Variants in LRP6 observed in about 807,000 individuals in gnomAD.
LRP6 encodes low-density lipoprotein receptor-related protein 6.
A neutral mutation model predicts 184.1 loss-of-function variants in LRP6; 43 were observed. The observed-to-expected ratio is 0.23, with a 90% CI of 0.18 to 0.30. The LOEUF (loss-of-function observed/expected upper bound fraction) is 0.30. LRP6 is among the 10% of genes least tolerant of loss of function. The pLI is 1.00. For missense variants in LRP6, 1,571 were observed against 2,005.3 expected, an observed-to-expected ratio of 0.78 and a Z score of 4.14; for synonymous variants, 719 against 684.9, an observed-to-expected ratio of 1.05 and a Z score of -0.78.
chr12:12,122,460 G>T (rs993104607), intron 22 of LRP6, among the ~76,000 whole-genome samples: 2 of 152,082 alleles, frequency 1.3e-5, no homozygotes, highest in East Asian at 3.8e-4. Flanking sequence ...AGCACCACCA[G>T]GTAATATATC....
At chr12:12,263,037 T>C (rs1865658990) in intron 1 of LRP6, among the ~76,000 whole-genome samples, 1 of 144,510 alleles carries the variant, frequency 6.9e-6, no homozygotes, top group South Asian at 2.2e-4. Context: ...GCAGATCACC[T>C]GAGGTCGGGA....
intron 3 of LRP6, among the ~76,000 whole-genome samples, chr12:12,202,274 G>A (rs992590879): frequency 2.6e-5 from 4 of 152,244 alleles, no homozygotes; most frequent in East Asian, 3.8e-4. Flanking sequence ...CAGGTGCTAT[G>A]GCTGATGCCT....
At chr12:12,156,999 GCT>G (rs1862599193) in intron 12 of LRP6, among the ~76,000 whole-genome samples, 1 of 152,218 alleles carries the variant, frequency 6.6e-6, no homozygotes, top group Non-Finnish European at 1.5e-5. Context: ...GCCTGAGGCT[GCT>G]CTCACACTGC....
chr12:12,123,042 A>G (rs961188411), intron 22 of LRP6, among the ~76,000 whole-genome samples: 7 of 119,244 alleles, frequency 5.9e-5, no homozygotes, highest in African/African-American at 2.4e-4. Flanking sequence ...TATTTTCATG[A>G]AAAAAAAAAA....
chr12:12,123,774 A>G (rs964989571), intron 22 of LRP6, among the ~76,000 whole-genome samples: 2 of 152,224 alleles, frequency 1.3e-5, no homozygotes, highest in Admixed American at 6.5e-5. Flanking sequence ...CACTTTATTT[A>G]TTTCAATCTT....
At chr12:12,211,708 C>T (rs1288489780) in intron 2 of LRP6, among the ~76,000 whole-genome samples, 1 of 152,138 alleles carries the variant, frequency 6.6e-6, no homozygotes, top group Non-Finnish European at 1.5e-5. Context: ...ACCTCATGAA[C>T]AGCCTTAAGC....
intron 15 of LRP6, chr12:12,138,757 G>T: frequency 6.7e-7 from 1 of 1,497,118 alleles, no homozygotes; most frequent in Non-Finnish European, 9.0e-7. Flanking sequence ...CCAATGTGCA[G>T]TAAATATTCT....
Position 12,138,613 on chromosome 12 carries a change from G to A in LRP6, c.3398-79C>T, listed in dbSNP as rs971253801. 46 of 1,338,566 alleles carry A rather than the reference G, an allele frequency of 3.4e-5. No homozygotes were observed. The African/African-American group carries it at 5.5e-4, about 16-fold the overall frequency. 82.9% of individuals were successfully genotyped at this position (1,338,566 alleles called of 1,614,324 possible). On this transcript the variant is annotated intron_variant, in intron 15 of 22. Coordinates refer to ENST00000261349, the MANE Select transcript of LRP6 (RefSeq NM_002336.3). ...TTTGGTAATTATTTACTGACTACCAGTTAGATTCTACAGGTAGAGAAAAGA... is the reference window on the plus strand; with the variant it reads ...TTTGGTAATTATTTACTGACTACCAATTAGATTCTACAGGTAGAGAAAAGA...
intron 10 of LRP6, among the ~76,000 whole-genome samples, chr12:12,160,513 T>C (rs941303741): frequency 2.0e-5 from 3 of 152,190 alleles, no homozygotes; most frequent in African/African-American, 7.2e-5. Flanking sequence ...TTTGGTCATA[T>C]GGTCCAAGGG....
At chr12:12,163,069 AG>A (rs753524379) in intron 9 of LRP6, among the ~76,000 whole-genome samples, 5 of 152,036 alleles carry the variant, frequency 3.3e-5, no homozygotes, top group Non-Finnish European at 7.4e-5. Flanking sequence ...TCTGCCTCCC[AG>A]GTTCAAGTGA....
In LRP6 at chr12:12,179,819, G is replaced by T. The variant is rs145754795; in HGVS notation, c.1536C>A (p.Asp512Glu). 6.2e-7 allele frequency: 1 copy of T among 1,613,524 alleles called. No homozygotes were observed. The highest frequency in any genetic ancestry group is 8.5e-7 in the Non-Finnish European group (1 of 1,179,748). The change falls in exon 7 of 23, where the codon GAC becomes GAA. Residue 512 changes from aspartate (D) to glutamate (E), a missense_variant. This residue lies in a region of LRP6 where 640 missense variants were observed against 851.9 expected (regional missense o/e 0.75). Coordinates refer to ENST00000261349, the MANE Select transcript of LRP6 (RefSeq NM_002336.3). ...AAAGCAAAAAACAAACCTCAATCTT[G>T]TCTGTTTTGGCATCTCCCCAGTATA... ...GKIYWGDAKTDKIEVMNTDGT... is the reference protein window; with the variant it reads ...GKIYWGDAKTEKIEVMNTDGT...
intron 15 of LRP6, among the ~76,000 whole-genome samples, chr12:12,145,704 T>G: frequency 6.8e-6 from 1 of 147,000 alleles, no homozygotes; most frequent in South Asian, 2.2e-4. Flanking sequence ...CCGTCTTGAC[T>G]CACTGCAACC....
At chr12:12,254,084 C>T (rs1865397929) in intron 1 of LRP6, among the ~76,000 whole-genome samples, 1 of 131,196 alleles carries the variant, frequency 7.6e-6, no homozygotes, top group Non-Finnish European at 1.5e-5. Flanking sequence ...GTCAAGGCTG[C>T]AGTGAGCCAA....
chr12:12,179,342 C>T lies in LRP6; in HGVS notation c.1545+468G>A, dbSNP rs542864722. ...TAATATATTCTACCATCTGCCCCAA[C>T]ACCAGTTAACAGCAATAAAAGATAT... On this transcript the variant is annotated intron_variant, in intron 7 of 22. Coordinates refer to ENST00000261349, the MANE Select transcript of LRP6 (RefSeq NM_002336.3). 6.6e-5 allele frequency among the ~76,000 whole-genome samples: 10 copies of T among 150,772 alleles called. No homozygotes were observed. The South Asian group carries it at 2.1e-3, about 31-fold the overall frequency.
At chr12:12,130,960 CAAA>C (rs1391025435) in intron 18 of LRP6, 67 bp from the exon 19 acceptor site, 1 of 842,482 alleles carries the variant, frequency 1.2e-6, no homozygotes, top group Non-Finnish European at 2.0e-6. Flanking sequence ...TGGCAAGAAT[CAAA>C]AGGTGCCTTC....
In LRP6 at chr12:12,221,408, A is replaced by T. The variant is rs114074069; in HGVS notation, c.450-18008T>A. Among the ~76,000 whole-genome samples the T allele has an allele frequency of 3.0e-3, 459 of 152,306 alleles. 2 individuals carry two copies. Among genetic ancestry groups the T allele is most frequent in the African/African-American group, 0.01 (432 of 41,562 alleles). On this transcript the variant is annotated intron_variant, in intron 2 of 22. Coordinates refer to ENST00000261349, the MANE Select transcript of LRP6 (RefSeq NM_002336.3). ...TAGAATTGTTGCTTTAGCATGTTTA[A>T]GACTATGCACCTCCCCCCTCTTCCC...
chr12:12,266,993 C>G lies in LRP6; in HGVS notation c.-258G>C. The G allele has an allele frequency of 1.9e-6, 1 of 528,152 alleles. No homozygotes were observed. Among genetic ancestry groups the G allele is most frequent in the Non-Finnish European group, 3.3e-6 (1 of 302,736 alleles). 32.7% of individuals were successfully genotyped at this position (528,152 alleles called of 1,614,324 possible). ...GCCTCCTCCCCCGGCGCCCCGCTTC[C>G]CCCGCGCAGCTCCTCATTCAGCCTC... On this transcript the variant is annotated 5_prime_UTR_variant, in exon 1 of 23. Coordinates refer to ENST00000261349, the MANE Select transcript of LRP6 (RefSeq NM_002336.3).
At chr12:12,205,524 CAAAG>C (rs1243961157) in intron 2 of LRP6, among the ~76,000 whole-genome samples, 1 of 151,954 alleles carries the variant, frequency 6.6e-6, no homozygotes, top group Non-Finnish European at 1.5e-5. Flanking sequence ...ACTGCTTACT[CAAAG>C]AAATGATGAG....
rs1382673404 is a variant in LRP6 at position 12,244,423 on chromosome 12, G to C, written c.288C>G (p.Ser96=). Residue 96 remains serine, a synonymous_variant, in exon 2 of 23, where the codon TCC becomes TCG. Coordinates refer to ENST00000261349, the MANE Select transcript of LRP6 (RefSeq NM_002336.3). ...VQNVVVSGLL[S]PDGLACDWLG... ...GCCAATCACATGCCAGCCCATCGGGGGACAATAATCCAGAAACAACAACAT... is the reference window on the plus strand; with the variant it reads ...GCCAATCACATGCCAGCCCATCGGGCGACAATAATCCAGAAACAACAACAT... The C allele has an allele frequency of 4.3e-6, 7 of 1,613,946 alleles. No homozygotes were observed. In the Admixed American group the frequency reaches 5.0e-5, roughly 12 times the overall value.
Sources: gnomAD v4.1 joint callset for allele counts (sites outside exome capture counted in the v4.1 genomes callset) on GRCh38, gnomAD v4.1.1 for gene constraint, gnomAD v4.1.1 regional missense constraint, MANE v1.5 for transcripts, NCBI Gene and HGNC (gene_info 2026-07-23, HGNC 2026-07-21) for gene names.